SLC17A8: variants seen among roughly 807,000 people sequenced by gnomAD.
The protein encoded by SLC17A8 is vesicular glutamate transporter 3.
A neutral mutation model predicts 58.0 loss-of-function variants in SLC17A8; 31 were observed. The observed-to-expected ratio is 0.53, with a 90% CI of 0.40 to 0.72. SLC17A8 has a LOEUF of 0.72. Ranked by LOEUF, SLC17A8 falls within the 30% of genes least tolerant of loss-of-function variation. SLC17A8 has a pLI of 0.00. For missense variants in SLC17A8, 655 were observed against 727.8 expected, an observed-to-expected ratio of 0.90 and a Z score of 1.15; for synonymous variants, 228 against 249.0, an observed-to-expected ratio of 0.92 and a Z score of 0.79.
In SLC17A8 at chr12:100,362,716, C is replaced by G. The variant is rs571219846; in HGVS notation, c.101+5224C>G. On this transcript the variant is annotated intron_variant, in intron 1 of 11. Transcript: ENST00000323346. ...TCACTCCATCCAGGTACAGCTTCTC[C>G]AAGACTCTATGGTTGTAATTCCTGA... Among the ~76,000 whole-genome samples, 158 of 152,220 alleles carry G rather than the reference C, an allele frequency of 1.0e-3. 2 individuals carry two copies. The highest frequency in any genetic ancestry group is 3.6e-3 in the African/African-American group (148 of 41,542).
chr12:100,408,632 A>G (rs568210181), intron 9 of SLC17A8, among the ~76,000 whole-genome samples: 2 of 152,298 alleles, frequency 1.3e-5, no homozygotes, highest in South Asian at 4.1e-4. Context: ...TCCACTGGCA[A>G]TCTGCTATTT....
intron 1 of SLC17A8, among the ~76,000 whole-genome samples, chr12:100,359,078 C>T (rs574541493): frequency 6.6e-6 from 1 of 152,046 alleles, no homozygotes; most frequent in East Asian, 1.9e-4. Context: ...AAGGTTGCAG[C>T]GAGCCAAGAT....
At chr12:100,414,051 A>AT (rs1169831402) in intron 10 of SLC17A8, among the ~76,000 whole-genome samples, 1 of 152,220 alleles carries the variant, frequency 6.6e-6, no homozygotes, top group Admixed American at 6.5e-5. Flanking sequence ...TTGTATATAT[A>AT]TCATAACATT....
Position 100,377,595 on chromosome 12 carries a change from T to A in SLC17A8, c.102-3106T>A, listed in dbSNP as rs1257400052. ...TATATATATATATATATTTTTTTTTTTTTTTTTTTTTTTGAGACGGAGTCT... is the reference window on the plus strand; with the variant it reads ...TATATATATATATATATTTTTTTTTATTTTTTTTTTTTTGAGACGGAGTCT... On this transcript the variant is annotated intron_variant, in intron 1 of 11. Coordinates refer to ENST00000323346, the MANE Select transcript of SLC17A8 (RefSeq NM_139319.3). 1.9e-3 allele frequency among the ~76,000 whole-genome samples: 253 copies of A among 136,664 alleles called. 1 individual carries two copies. Among genetic ancestry groups the A allele is most frequent in the African/African-American group, 6.9e-3 (242 of 35,216 alleles). 89.7% of individuals were successfully genotyped at this position (136,664 alleles called of 152,430 possible). A position where few individuals can be genotyped will look rare whatever the true frequency, so the allele number is the denominator to read the frequency against.
chr12:100,384,117 C>T (rs1952656470), intron 2 of SLC17A8, among the ~76,000 whole-genome samples: 1 of 152,148 alleles, frequency 6.6e-6, no homozygotes, highest in Non-Finnish European at 1.5e-5. Context: ...TTTGTTTTCT[C>T]ATTACTCTCA....
chr12:100,370,035 C>T (rs1592988423), intron 1 of SLC17A8, among the ~76,000 whole-genome samples: 1 of 152,290 alleles, frequency 6.6e-6, no homozygotes, highest in African/African-American at 2.4e-5. Context: ...TCAAAATGAA[C>T]AAGAAATCCA....
intron 1 of SLC17A8, among the ~76,000 whole-genome samples, chr12:100,360,493 G>A (rs1209626945): frequency 6.6e-6 from 1 of 152,094 alleles, no homozygotes; most frequent in African/African-American, 2.4e-5. Flanking sequence ...GGAGTGCAGT[G>A]ATGTGATCAT....
intron 1 of SLC17A8, 33 bp downstream of exon 1, chr12:100,357,525 T>C (rs748407507): frequency 1.4e-6 from 2 of 1,400,344 alleles, no homozygotes; most frequent in East Asian, 2.3e-5. Context: ...AGTTCCTTTC[T>C]GAGTAGCTTC....
rs948807871 is a variant in SLC17A8 at position 100,380,787 on chromosome 12, C to A, written c.188C>A (p.Pro63Gln). 1.5e-5 allele frequency: 25 copies of A among 1,614,032 alleles called. No individual in the cohort carries two copies. The highest frequency in any genetic ancestry group is 4.4e-5 in the South Asian group (4 of 91,090). ...GTGCAGACGTCCAGGCCAAGCCCCC[C>A]ACTCTGCGACTGCCACTGCTGCGGC... is the stretch of plus-strand genomic sequence containing the variant. Reference protein sequence around the residue: ...RPVQTSRPSPPLCDCHCCGLP... With the variant: ...RPVQTSRPSPQLCDCHCCGLP... The change falls in exon 2 of 12, where the codon CCA (proline) becomes CAA (glutamine). Residue 63 changes from proline to glutamine, a missense_variant. Physicochemically the swap from Pro to Gln is moderately conservative, Grantham distance 76 (BLOSUM62 -1). Transcript: ENST00000323346.
At chr12:100,410,379 C>T (rs1006332677) in intron 9 of SLC17A8, among the ~76,000 whole-genome samples, 13 of 152,130 alleles carry the variant, frequency 8.5e-5, no homozygotes, top group African/African-American at 2.6e-4. Flanking sequence ...CCTATAGTCC[C>T]AGCTACTCAG....
chr12:100,396,460 T>C, intron 5 of SLC17A8, 43 bp downstream of exon 5: 1 of 1,543,354 alleles, frequency 6.5e-7, no homozygotes, highest in Non-Finnish European at 9.0e-7. Context: ...TATGAATGCT[T>C]TTTTTGGGTT....
rs1471996330 is a variant in SLC17A8 at position 100,402,467 on chromosome 12, G to A, written c.891G>A (p.Val297=). 7 of 1,613,836 alleles carry A rather than the reference G, an allele frequency of 4.3e-6. No homozygotes were observed. In the African/African-American group the frequency reaches 8.0e-5, roughly 18 times the overall value. The stretch of plus-strand genomic sequence containing the variant: ...CAAGCATAGGAGAGGGGGCCAACGT[G>A]GTTAGTCTAAGTGTAAGTATAAAAA... ...IETSIGEGAN[V]VSLSKFSTPW... is the part of the protein sequence containing the mutation. Residue 297 remains valine, a synonymous_variant, in exon 7 of 12, where the codon GTG becomes GTA. Transcript: ENST00000323346.
intron 1 of SLC17A8, among the ~76,000 whole-genome samples, chr12:100,377,585 A>ATATATATATAT (rs1366447682): frequency 3.6e-5 from 3 of 84,034 alleles, no homozygotes; most frequent in African/African-American, 1.5e-4. Context: ...ATATATATAT[A>ATATATATATAT]TTTTTTTTTT....
chr12:100,411,535 G>GGGCAT, intron 9 of SLC17A8, among the ~76,000 whole-genome samples: 1 of 152,020 alleles, frequency 6.6e-6, no homozygotes, highest in East Asian at 1.9e-4. Flanking sequence ...GAATTGATTT[G>GGGCAT]GGCATGTTGC....
chr12:100,410,441 G>A (rs1173310655), intron 9 of SLC17A8, among the ~76,000 whole-genome samples: 4 of 150,700 alleles, frequency 2.7e-5, no homozygotes, highest in Admixed American at 1.3e-4. Context: ...CTTGCAGTGA[G>A]CCAAGATCAC....
intron 1 of SLC17A8, among the ~76,000 whole-genome samples, chr12:100,366,985 A>G (rs1952524593): frequency 6.6e-6 from 1 of 152,136 alleles, no homozygotes. Flanking sequence ...AGCCTCAGCC[A>G]GAAGAGGACA....
chr12:100,421,658 G>GTTTTTCTT lies in SLC17A8; in HGVS notation c.*1504_*1505insCTTTTTTT, dbSNP rs1952949352. 9.1e-6 allele frequency: 1 copy of GTTTTTCTT among 109,872 alleles called. No homozygotes were observed. Among genetic ancestry groups the GTTTTTCTT allele is most frequent in the African/African-American group, 4.0e-5 (1 of 25,122 alleles). The allele number at this position is 109,872 out of a possible 1,614,324, so 6.8% of individuals were successfully genotyped here. A position where few individuals can be genotyped will look rare whatever the true frequency, so the allele number is the denominator to read the frequency against. ...TACTTGTAGCTTATTATTGTAAAGT[G>GTTTTTCTT]TTTTTTTTTTTTTTTTTTTTTTCTA... On this transcript the variant is annotated 3_prime_UTR_variant, in exon 12 of 12. Coordinates refer to ENST00000323346, the MANE Select transcript of SLC17A8 (RefSeq NM_139319.3).
At chr12:100,370,595 C>A (rs534972601) in intron 1 of SLC17A8, among the ~76,000 whole-genome samples, 1 of 141,162 alleles carries the variant, frequency 7.1e-6, no homozygotes, top group East Asian at 2.1e-4. Flanking sequence ...CCGTGCCCAG[C>A]CAATTAATCT....
chr12:100,399,839 TTA>T, intron 5 of SLC17A8, among the ~76,000 whole-genome samples: 1 of 152,198 alleles, frequency 6.6e-6, no homozygotes, highest in African/African-American at 2.4e-5. Flanking sequence ...GTAAGGGGAA[TTA>T]TTAGGTGCTT....
Sources: gnomAD v4.1 joint callset for allele counts (sites outside exome capture counted in the v4.1 genomes callset) on GRCh38, gnomAD v4.1.1 for gene constraint, MANE v1.5 for transcripts, NCBI Gene and HGNC (gene_info 2026-07-23, HGNC 2026-07-21) for gene names.